ZFHX3: variants seen among roughly 807,000 people sequenced by gnomAD.
ZFHX3 encodes the protein zinc finger homeobox protein 3.
ZFHX3 carries 42 observed loss-of-function variants against 279.1 expected under a neutral mutation model. The observed-to-expected ratio is 0.15, with a 90% CI of 0.12 to 0.19. The LOEUF (loss-of-function observed/expected upper bound fraction) is 0.19, where lower values mean the gene tolerates loss of function less well. Among genes scored for constraint, ZFHX3 ranks in the 10% least tolerant of loss-of-function variants. The probability of loss-of-function intolerance (pLI) is 1.00; values close to 1 mark genes in which losing one functional copy is unlikely to be tolerated. For synonymous variants in ZFHX3, 2,293 were observed against 1,957.8 expected (o/e 1.17, Z -4.52); for missense variants, 4,981 against 4,754.0 (o/e 1.05, Z -1.40).
At chr16:73,880,924 A>G (rs1253957763) in intron 1 of ZFHX3, among the ~76,000 whole-genome samples, 3 of 152,180 alleles carry the variant, frequency 2.0e-5, no homozygotes, top group Non-Finnish European at 4.4e-5. Flanking sequence ...AGGCGAGAAG[A>G]GTATGAACAC....
chr16:73,870,489 G>T (rs1037515702), intron 1 of ZFHX3, among the ~76,000 whole-genome samples: 8 of 152,176 alleles, frequency 5.3e-5, no homozygotes, highest in Non-Finnish European at 8.8e-5. Context: ...ACTAGTCCAC[G>T]TCAACGCTCA....
chr16:73,284,618 T>A (rs2014547372), intron 4 of ZFHX3, among the ~76,000 whole-genome samples: 1 of 152,148 alleles, frequency 6.6e-6, no homozygotes, highest in African/African-American at 2.4e-5. Flanking sequence ...TACGAGAATA[T>A]CATGAAAACT....
intron 1 of ZFHX3, among the ~76,000 whole-genome samples, chr16:73,860,448 T>C (rs1961852210): frequency 6.6e-6 from 1 of 151,922 alleles, no homozygotes; most frequent in African/African-American, 2.4e-5. Flanking sequence ...AGTAAAGCAC[T>C]TGAGTTCTAA....
intron 3 of ZFHX3, among the ~76,000 whole-genome samples, chr16:72,916,010 T>C (rs1292922233): frequency 6.6e-6 from 1 of 152,214 alleles, no homozygotes; most frequent in Admixed American, 6.5e-5. Flanking sequence ...AAGAGAGGCA[T>C]ATTTTCTGAT....
chr16:73,634,066 T>G (rs961801219), intron 2 of ZFHX3, among the ~76,000 whole-genome samples: 1 of 152,162 alleles, frequency 6.6e-6, no homozygotes. Flanking sequence ...GACATTTTTA[T>G]TTATACAAAT....
chr16:73,223,337 T>C (rs1297538352), intron 5 of ZFHX3, among the ~76,000 whole-genome samples: 2 of 152,170 alleles, frequency 1.3e-5, no homozygotes, highest in Admixed American at 1.3e-4. Flanking sequence ...AAAGGACTGT[T>C]ATCCAAAACA....
At chr16:73,882,822 C>T (rs1013981597) in intron 1 of ZFHX3, among the ~76,000 whole-genome samples, 3 of 151,848 alleles carry the variant, frequency 2.0e-5, no homozygotes, top group African/African-American at 7.3e-5. Flanking sequence ...TTGTTTATTC[C>T]ATCCACTTTC....
intron 5 of ZFHX3, among the ~76,000 whole-genome samples, chr16:73,150,742 C>T (rs1446180099): frequency 1.3e-5 from 2 of 152,166 alleles, no homozygotes; most frequent in Admixed American, 1.3e-4. Context: ...ATTGCAAACT[C>T]CCGGATGACA....
rs550433855 is a variant in ZFHX3 at position 73,638,996 on chromosome 16, T to C, written c.-1547+41184A>G. On this transcript the variant is annotated intron_variant, in intron 2 of 17. Transcript: ENST00000641206. ...CAAAAGAAAAACAAAGGAAGAGTTA[T>C]ATATTAGCATTGTGTTAGACTTCTA... Among the ~76,000 whole-genome samples, 6 of 152,286 alleles carry C rather than the reference T, an allele frequency of 3.9e-5. No homozygotes were observed. The East Asian group carries it at 1.2e-3, about 29-fold the overall frequency.
chr16:72,826,695 C>T (rs2036940088), intron 5 of ZFHX3, among the ~76,000 whole-genome samples: 1 of 152,184 alleles, frequency 6.6e-6, no homozygotes, highest in South Asian at 2.1e-4. Flanking sequence ...ATTTTCCCTT[C>T]TCTCTTTACT....
chr16:73,678,201 G>A (rs1299056879), intron 2 of ZFHX3, among the ~76,000 whole-genome samples: 1 of 152,050 alleles, frequency 6.6e-6, no homozygotes, highest in Non-Finnish European at 1.5e-5. Flanking sequence ...TCGATAACAG[G>A]AATGAGTAAA....
chr16:72,854,938 T>TGGG lies in ZFHX3; in HGVS notation c.3449-25082_3449-25080dup, dbSNP rs373623618. On this transcript the variant is annotated intron_variant, in intron 4 of 9. Coordinates refer to ENST00000268489, the MANE Select transcript of ZFHX3 (RefSeq NM_006885.4). Reference sequence around the variant, plus strand: ...AGAAATTAAAACACAAATTGGTGGGTGGGGGGGGGGTGTCAAATGGAAAAA... The same window carrying TGGG: ...AGAAATTAAAACACAAATTGGTGGGTGGGGGGGGGGGGGTGTCAAATGGAAAAA... 2.6e-3 allele frequency among the ~76,000 whole-genome samples: 192 copies of TGGG among 73,782 alleles called. 1 individual carries two copies. Among genetic ancestry groups the TGGG allele is most frequent in the Middle Eastern group, 6.8e-3 (1 of 146 alleles). 48.4% of individuals were successfully genotyped at this position (73,782 alleles called of 152,430 possible). A position where few individuals can be genotyped will look rare whatever the true frequency, so the allele number is the denominator to read the frequency against.
At chr16:73,702,975 T>A (rs545969896) in intron 1 of ZFHX3, among the ~76,000 whole-genome samples, 1 of 152,012 alleles carries the variant, frequency 6.6e-6, no homozygotes, top group African/African-American at 2.4e-5. Flanking sequence ...CATGGCTCAG[T>A]AGAGGCAGCG....
chr16:73,528,219 C>T (rs1287060584), intron 2 of ZFHX3, among the ~76,000 whole-genome samples: 2 of 152,218 alleles, frequency 1.3e-5, no homozygotes, highest in East Asian at 3.9e-4. Flanking sequence ...TTAATGTACA[C>T]TACCTTATCA....
At chr16:73,019,367 T>TGTGC (rs1350434741) in intron 1 of ZFHX3, among the ~76,000 whole-genome samples, 73 of 143,518 alleles carry the variant, frequency 5.1e-4, no homozygotes, top group Middle Eastern at 3.5e-3. Flanking sequence ...TGTGTGTGTG[T>TGTGC]GCGTGTGCGT....
At chr16:73,306,429 C>G (rs962663253) in intron 4 of ZFHX3, among the ~76,000 whole-genome samples, 5 of 152,186 alleles carry the variant, frequency 3.3e-5, no homozygotes, top group Admixed American at 6.5e-5. Flanking sequence ...AAGCAATTCT[C>G]CTGCCTCAGC....
intron 1 of ZFHX3, among the ~76,000 whole-genome samples, chr16:72,994,925 T>C (rs1963228108): frequency 6.6e-6 from 1 of 152,200 alleles, no homozygotes; most frequent in Admixed American, 6.5e-5. Context: ...CCGGAACCCC[T>C]GTTTGAAAGC....
intron 1 of ZFHX3, among the ~76,000 whole-genome samples, chr16:73,854,652 G>GA (rs574314390): frequency 5.5e-5 from 5 of 91,130 alleles, no homozygotes; most frequent in Non-Finnish European, 1.1e-4. Flanking sequence ...TGGTTAAATA[G>GA]AAAAAAAACA....
At chr16:73,497,469 G>C (rs911421976) in intron 2 of ZFHX3, among the ~76,000 whole-genome samples, 1 of 152,172 alleles carries the variant, frequency 6.6e-6, no homozygotes, top group African/African-American at 2.4e-5. Flanking sequence ...AGGAGTTTGA[G>C]ACCAGCCTGG....
Sources: allele counts gnomAD v4.1 joint callset (sites outside exome capture counted in the v4.1 genomes callset), GRCh38; gene constraint gnomAD v4.1.1; transcripts MANE v1.5; gene names NCBI Gene and HGNC (gene_info 2026-07-23, HGNC 2026-07-21).